Variants in SDK1 observed in about 807,000 individuals in gnomAD.
SDK1 encodes protein sidekick-1.
In SDK1, 157 loss-of-function variants were observed where a neutral mutation model predicts 245.5. The observed-to-expected ratio is 0.64, with a 90% confidence interval of 0.56 to 0.73. The LOEUF is 0.73. Ranked by LOEUF, SDK1 falls within the 30% of genes least tolerant of loss-of-function variation. The pLI is 0.00. For synonymous variants in SDK1, 1,647 were observed against 1,278.5 expected (o/e 1.29, Z -6.15); for missense variants, 3,583 against 3,002.3 (o/e 1.19, Z -4.52).
At chr7:3,358,510 A>G (rs1780868731) in intron 1 of SDK1, among the ~76,000 whole-genome samples, 1 of 150,640 alleles carries the variant, frequency 6.6e-6, no homozygotes, top group Non-Finnish European at 1.5e-5. Context: ...GGGCTAACCC[A>G]TAGGTAGTGT....
intron 1 of SDK1, among the ~76,000 whole-genome samples, chr7:3,358,624 G>T (rs1395830508): frequency 6.6e-6 from 1 of 152,124 alleles, no homozygotes; most frequent in East Asian, 1.9e-4. Context: ...AGTGCTTTCA[G>T]GAATTACTAT....
At chr7:4,031,641 C>T (rs1214487760) in intron 17 of SDK1, among the ~76,000 whole-genome samples, 3 of 151,888 alleles carry the variant, frequency 2.0e-5, no homozygotes, top group East Asian at 1.9e-4. Flanking sequence ...GTAGATATAG[C>T]AACTATCTAC....
intron 4 of SDK1, among the ~76,000 whole-genome samples, chr7:3,775,050 T>C (rs931179312): frequency 6.6e-6 from 1 of 152,190 alleles, no homozygotes; most frequent in African/African-American, 2.4e-5. Flanking sequence ...GGGTCAGCTT[T>C]TTGAGAGCCC....
intron 1 of SDK1, among the ~76,000 whole-genome samples, chr7:3,447,854 G>A (rs760057840): frequency 1.3e-4 from 19 of 151,602 alleles, no homozygotes; most frequent in African/African-American, 2.9e-4. Flanking sequence ...ATAAGCATGC[G>A]CCACCATGCC....
intron 4 of SDK1, among the ~76,000 whole-genome samples, chr7:3,670,212 G>T (rs1265775867): frequency 6.6e-6 from 1 of 152,062 alleles, no homozygotes; most frequent in Non-Finnish European, 1.5e-5. Flanking sequence ...TTGTTACTCT[G>T]TTCCTTCAAA....
At chr7:3,465,287 G>C (rs554103818) in intron 1 of SDK1, among the ~76,000 whole-genome samples, 1 of 152,156 alleles carries the variant, frequency 6.6e-6, no homozygotes, top group East Asian at 1.9e-4. Flanking sequence ...TCGTCTAGAG[G>C]TCATCATAAT....
intron 5 of SDK1, among the ~76,000 whole-genome samples, chr7:3,827,332 T>A (rs1779802212): frequency 6.6e-6 from 1 of 152,172 alleles, no homozygotes; most frequent in African/African-American, 2.4e-5. Context: ...GATCTGAGGA[T>A]GCCTGAGGTC....
At chr7:3,977,447 T>A (rs935653176) in intron 13 of SDK1, among the ~76,000 whole-genome samples, 1 of 152,028 alleles carries the variant, frequency 6.6e-6, no homozygotes, top group Non-Finnish European at 1.5e-5. Context: ...CCAGCTTTTG[T>A]GTACGCATGG....
chr7:3,625,806 A>C (rs1404532424), intron 2 of SDK1, among the ~76,000 whole-genome samples: 1 of 151,668 alleles, frequency 6.6e-6, no homozygotes, highest in Non-Finnish European at 1.5e-5. Flanking sequence ...AGCAAGAAAT[A>C]GGAGGCATGG....
chr7:4,102,565 C>A (rs534963604), intron 22 of SDK1, among the ~76,000 whole-genome samples: 15 of 152,166 alleles, frequency 9.9e-5, no homozygotes, highest in African/African-American at 3.4e-4. Context: ...GCAGAATTAC[C>A]TTTGGGATGA....
chr7:4,248,355 C>CACACACACAT (rs374018809), intron 44 of SDK1, among the ~76,000 whole-genome samples: 32,950 of 151,004 alleles, frequency 0.22, 3,849 homozygotes, highest in Non-Finnish European at 0.26. Context: ...TGCACACACA[C>CACACACACAT]GTTTACCTAA....
intron 1 of SDK1, among the ~76,000 whole-genome samples, chr7:3,529,202 A>G (rs1382393105): frequency 1.3e-5 from 2 of 152,154 alleles, no homozygotes; most frequent in African/African-American, 2.4e-5. Flanking sequence ...ATAGGTGATA[A>G]TATAGAGACA....
At chr7:3,922,270 G>GCAGGATT (rs1382349705) in intron 5 of SDK1, among the ~76,000 whole-genome samples, 2 of 152,206 alleles carry the variant, frequency 1.3e-5, no homozygotes, top group African/African-American at 4.8e-5. Flanking sequence ...GGGGCTGGGA[G>GCAGGATT]CAGGATTCAG....
At chr7:3,314,378 T>C (rs948918232) in intron 1 of SDK1, among the ~76,000 whole-genome samples, 7 of 152,210 alleles carry the variant, frequency 4.6e-5, no homozygotes, top group African/African-American at 1.2e-4. Flanking sequence ...TAGGGTCTTA[T>C]TGTCATAGCT....
intron 4 of SDK1, among the ~76,000 whole-genome samples, chr7:3,745,930 G>T (rs1427706274): frequency 2.0e-5 from 3 of 152,178 alleles, no homozygotes; most frequent in African/African-American, 7.2e-5. Flanking sequence ...TGCTATGTGG[G>T]TTTGGATCCC....
intron 4 of SDK1, among the ~76,000 whole-genome samples, chr7:3,784,506 C>T (rs1780841462): frequency 6.6e-6 from 1 of 151,792 alleles, no homozygotes; most frequent in South Asian, 2.1e-4. Context: ...TCAAACAACT[C>T]AATAGAAAGA....
chr7:3,352,263 GTT>G (rs58484846), intron 1 of SDK1, among the ~76,000 whole-genome samples: 1 of 146,702 alleles, frequency 6.8e-6, no homozygotes, highest in Non-Finnish European at 1.5e-5. Context: ...GATTTGGGAG[GTT>G]TTTTTTTTGA....
At chr7:3,320,807 T>C (rs1044491053) in intron 1 of SDK1, among the ~76,000 whole-genome samples, 2 of 152,168 alleles carry the variant, frequency 1.3e-5, no homozygotes, top group African/African-American at 4.8e-5. Context: ...AATATAGTGA[T>C]AAGCTTGACC....
At chr7:3,913,897 G>T (rs1361020178) in intron 5 of SDK1, among the ~76,000 whole-genome samples, 1 of 152,194 alleles carries the variant, frequency 6.6e-6, no homozygotes, top group Non-Finnish European at 1.5e-5. Context: ...GGAGATGACT[G>T]ATTTGCCCCA....
Sources: gnomAD v4.1 joint callset for allele counts (sites outside exome capture counted in the v4.1 genomes callset) on GRCh38, gnomAD v4.1.1 for gene constraint, MANE v1.5 for transcripts, NCBI Gene and HGNC (gene_info 2026-07-23, HGNC 2026-07-21) for gene names.